Variants in API5 observed in about 807,000 individuals in gnomAD.
API5 encodes apoptosis inhibitor 5, also known as FIF.
Under a neutral mutation model 71.9 loss-of-function variants are expected in API5, and 6 were observed. The observed-to-expected ratio is 0.08, with a 90% CI of 0.05 to 0.16. The LOEUF (loss-of-function observed/expected upper bound fraction) is 0.16. Ranked by LOEUF, API5 falls within the 10% of genes least tolerant of loss-of-function variation. The probability of loss-of-function intolerance (pLI) is 1.00; values close to 1 mark genes in which losing one functional copy is unlikely to be tolerated. For synonymous variants in API5, 189 were observed against 221.3 expected, an observed-to-expected ratio of 0.85 and a Z score of 1.30; for missense variants, 332 against 612.8, an observed-to-expected ratio of 0.54 and a Z score of 4.84.
rs1855702310 is a variant in API5 at position 43,343,923 on chromosome 11, A to T, written c.*1413A>T. On this transcript the variant is annotated 3_prime_UTR_variant, in exon 14 of 14. Coordinates refer to ENST00000531273, the MANE Select transcript of API5 (RefSeq NM_001142930.2). Reference sequence around the variant, plus strand: ...AGGTGTCTTCATTACCATTACCTCTACACTGCAGAAGAAGCAAAACTCCTT... The same window carrying T: ...AGGTGTCTTCATTACCATTACCTCTTCACTGCAGAAGAAGCAAAACTCCTT... 1 of 152,644 alleles carries T rather than the reference A, an allele frequency of 6.6e-6. No individual in the cohort carries two copies. Among genetic ancestry groups the T allele is most frequent in the Non-Finnish European group, 1.5e-5 (1 of 68,036 alleles). The allele number at this position is 152,644 out of a possible 1,614,324, so 9.5% of individuals were successfully genotyped here.
At chr11:43,337,956 A>AT (rs1855489890) in intron 13 of API5, among the ~76,000 whole-genome samples, 2 of 152,352 alleles carry the variant, frequency 1.3e-5, no homozygotes, top group African/African-American at 4.8e-5. Context: ...GATTGTATAC[A>AT]GTGTTTTTTA....
chr11:43,316,587 A>G (rs971345121), intron 1 of API5, among the ~76,000 whole-genome samples: 1 of 152,128 alleles, frequency 6.6e-6, no homozygotes, highest in African/African-American at 2.4e-5. Flanking sequence ...AGTCAGCATG[A>G]TTTCTTTTTT....
At chr11:43,336,788 C>T (rs1855447836) in intron 13 of API5, among the ~76,000 whole-genome samples, 1 of 152,048 alleles carries the variant, frequency 6.6e-6, no homozygotes, top group Non-Finnish European at 1.5e-5. Flanking sequence ...GCAGGCGGAT[C>T]ACGAGGTCAG....
chr11:43,332,566 G>T, intron 11 of API5, among the ~76,000 whole-genome samples: 1 of 152,070 alleles, frequency 6.6e-6, no homozygotes, highest in East Asian at 1.9e-4. Context: ...CATAGGGAGG[G>T]GTCTTGAAGA....
intron 9 of API5, among the ~76,000 whole-genome samples, chr11:43,329,653 T>C (rs1255051031): frequency 3.3e-5 from 5 of 152,244 alleles, no homozygotes; most frequent in Non-Finnish European, 7.3e-5. Flanking sequence ...GAAGCAGCAC[T>C]GGAGAAGTCA....
intron 1 of API5, among the ~76,000 whole-genome samples, chr11:43,314,825 CACTT>C (rs1223510994): frequency 6.6e-6 from 1 of 152,158 alleles, no homozygotes; most frequent in African/African-American, 2.4e-5. Context: ...TGCCTAAAAT[CACTT>C]ACTAAAAAAG....
At position 43,344,230 on chromosome 11, in the gene API5, T is replaced by A. The variant is rs538339249; in HGVS notation, c.*1720T>A. On this transcript the variant is annotated 3_prime_UTR_variant, in exon 14 of 14. Transcript: ENST00000531273. ...TATAGAGACTACAGCTAAATAAATT[T>A]GAACATTAAATATAATTTTACCACT... The A allele has an allele frequency of 1.3e-5, 2 of 152,610 alleles. No individual in the cohort carries two copies. Among genetic ancestry groups the A allele is most frequent in the Non-Finnish European group, 2.9e-5 (2 of 68,034 alleles). 9.5% of individuals were successfully genotyped at this position (152,610 alleles called of 1,614,324 possible). A position where few individuals can be genotyped will look rare whatever the true frequency, so the allele number is the denominator to read the frequency against.
At chr11:43,338,710 C>T (rs993331250) in intron 13 of API5, among the ~76,000 whole-genome samples, 32 of 146,234 alleles carry the variant, frequency 2.2e-4, no homozygotes, top group African/African-American at 7.8e-4. Flanking sequence ...TCAAATAGTA[C>T]CTTCATACAG....
chr11:43,320,003 T>C (rs977697305), intron 2 of API5, among the ~76,000 whole-genome samples: 17 of 152,196 alleles, frequency 1.1e-4, no homozygotes, highest in African/African-American at 3.9e-4. Flanking sequence ...TTATATTTTA[T>C]TCTGTGTAAC....
At chr11:43,321,321 T>G in intron 3 of API5, 90 bp from the exon 4 acceptor site, 2 of 1,108,546 alleles carry the variant, frequency 1.8e-6, no homozygotes, top group Non-Finnish European at 2.7e-6. Flanking sequence ...AATGTAACCT[T>G]GAGAAACTAA....
At chr11:43,324,813 G>T (rs906214224) in intron 6 of API5, among the ~76,000 whole-genome samples, 2 of 152,058 alleles carry the variant, frequency 1.3e-5, no homozygotes, top group African/African-American at 4.8e-5. Flanking sequence ...GAGTAGCTGG[G>T]ATTACAGGCA....
chr11:43,312,002 G>T lies in API5; in HGVS notation c.-126G>T, dbSNP rs1854483799. 2 of 1,089,664 alleles carry T rather than the reference G, an allele frequency of 1.8e-6. No individual in the cohort carries two copies. The highest frequency in any genetic ancestry group is 1.3e-6 in the Non-Finnish European group (1 of 752,294). The allele number at this position is 1,089,664 out of a possible 1,614,324, so 67.5% of individuals were successfully genotyped here. A position where few individuals can be genotyped will look rare whatever the true frequency, so the allele number is the denominator to read the frequency against. ...CGCAGCCGCGCTGTGCGCGGTGACT[G>T]GCGGCTGCACTGGCGGCAGCTGGAG... On this transcript the variant is annotated 5_prime_UTR_variant, in exon 1 of 14. Coordinates refer to ENST00000531273, the MANE Select transcript of API5 (RefSeq NM_001142930.2).
In API5 at chr11:43,342,785, T is replaced by A; in HGVS notation, c.*275T>A. ...CTTCAAATTGTGAATCTTTTAAACA[T>A]CTTGATAATTTGTTGTTGAGAGCTG... On this transcript the variant is annotated 3_prime_UTR_variant, in exon 14 of 14. Transcript: ENST00000531273. The A allele has an allele frequency of 1.7e-6, 1 of 605,450 alleles. No individual in the cohort carries two copies. 37.5% of individuals were successfully genotyped at this position (605,450 alleles called of 1,614,324 possible). A position where few individuals can be genotyped will look rare whatever the true frequency, so the allele number is the denominator to read the frequency against.
Position 43,312,188 on chromosome 11 carries a change from G to A in API5, c.61G>A (p.Val21Met), listed in dbSNP as rs1240270727. The A allele has an allele frequency of 1.2e-6, 2 of 1,613,868 alleles. No individual in the cohort carries two copies. The change falls in exon 1 of 14, where the codon GTG becomes ATG. Residue 21 changes from valine to methionine, a missense_variant. Physicochemically the swap from Val to Met is conservative, Grantham distance 21 (BLOSUM62 1). Around this residue, in one of 3 missense-constraint regions of API5, gnomAD observed 127 missense variants for 237.6 expected, o/e 0.53. Coordinates refer to ENST00000531273, the MANE Select transcript of API5 (RefSeq NM_001142930.2). ...CATCCTGGCCGATGCCACGGAGCAA[G>A]TGGGCCAGGTGAGTTGAGTCCCCGG... The part of the protein sequence containing the change: ...YGILADATEQ[V>M]GQHKDAYQVI...
Position 43,329,986 on chromosome 11 carries a change from C to T in API5, c.1149C>T (p.Gly383=), listed in dbSNP as rs748948072. 11 of 1,613,752 alleles carry T rather than the reference C, an allele frequency of 6.8e-6. No homozygotes were observed. The highest frequency in any genetic ancestry group is 9.3e-6 in the Non-Finnish European group (11 of 1,179,790). ...TTAGGCTGCAGTACTTTGCACGGGG[C>T]CTGCAAGTTTATATCAGACAACTTC... ...FKIRLQYFAR[G]LQVYIRQLRL... Residue 383 remains glycine (G), a synonymous_variant, in exon 10 of 14, where the codon GGC becomes GGT. Coordinates refer to ENST00000531273, the MANE Select transcript of API5 (RefSeq NM_001142930.2).
At chr11:43,329,000 C>A in intron 9 of API5, 107 bp downstream of exon 9, 2 of 1,121,132 alleles carry the variant, frequency 1.8e-6, no homozygotes, top group Admixed American at 4.3e-5. Context: ...TGCCTTACCC[C>A]AGTGATACAG....
At chr11:43,319,585 A>AT (rs1426813236) in intron 2 of API5, among the ~76,000 whole-genome samples, 1 of 151,962 alleles carries the variant, frequency 6.6e-6, no homozygotes, top group Non-Finnish European at 1.5e-5. Flanking sequence ...TTCCCAGCTG[A>AT]TTTTTAATTT....
intron 1 of API5, among the ~76,000 whole-genome samples, chr11:43,317,928 G>A (rs1485692499): frequency 3.3e-5 from 5 of 151,998 alleles, no homozygotes; most frequent in African/African-American, 7.3e-5. Context: ...TGCCCACCTC[G>A]GCCTCCCAAA....
chr11:43,312,997 C>G (rs1288127603), intron 1 of API5, among the ~76,000 whole-genome samples: 1 of 151,576 alleles, frequency 6.6e-6, no homozygotes, highest in Non-Finnish European at 1.5e-5. Flanking sequence ...ATCCTAGCTA[C>G]TCAGGAGGCT....
Sources: allele counts gnomAD v4.1 joint callset (sites outside exome capture counted in the v4.1 genomes callset), GRCh38; gene constraint gnomAD v4.1.1; regional missense constraint gnomAD v4.1.1; transcripts MANE v1.5; gene names NCBI Gene and HGNC (gene_info 2026-07-23, HGNC 2026-07-21).